Variants in PWP1 observed in about 807,000 individuals in gnomAD.
PWP1 encodes the protein periodic tryptophan protein 1 homolog.
Under a neutral mutation model 69.9 loss-of-function variants are expected in PWP1, and 47 were observed. The ratio of observed to expected loss-of-function variants is 0.67; its 90% CI spans 0.53 to 0.86. The LOEUF is 0.86. Among genes scored for constraint, PWP1 ranks in the 40% least tolerant of loss-of-function variants. The pLI is 0.00. For synonymous variants in PWP1, 222 were observed against 208.2 expected, an observed-to-expected ratio of 1.07 and a Z score of -0.57; for missense variants, 551 against 608.8, an observed-to-expected ratio of 0.91 and a Z score of 1.00.
chr12:107,712,201 A>AT lies in PWP1; in HGVS notation c.1488dup (p.Thr497TyrfsTer11), dbSNP rs747940137. 1.9e-6 allele frequency: 3 copies of AT among 1,613,250 alleles called. No homozygotes were observed. Among genetic ancestry groups the AT allele is most frequent in the Non-Finnish European group, 2.5e-6 (3 of 1,179,180 alleles). ...GGCCCTTTTGGCAGCAGGAGCTCAG[A>AT]TACACCCATGGAGTCTTAATGAAGA... On this transcript the variant is annotated frameshift_variant, in exon 15 of 15. Coordinates refer to ENST00000412830, the MANE Select transcript of PWP1 (RefSeq NM_007062.3). LOFTEE classifies it high-confidence loss of function.
At chr12:107,686,028 CG>C in intron 1 of PWP1, 57 bp downstream of exon 1, 1 of 1,579,054 alleles carries the variant, frequency 6.3e-7, no homozygotes, top group South Asian at 1.1e-5. Flanking sequence ...ACTGGGGGTC[CG>C]CCCAGCTGGG....
rs1249711107 is a variant in PWP1, at chr12:107,688,481, A to C, written c.106A>C (p.Ile36Leu). ...GAGTAAAGAAGAAGTAAAACGCCTC[A>C]TTGCTGAGGCAAAGGAGAAATTGCA... The part of the protein sequence containing the change: ...ELSKEEVKRL[I>L]AEAKEKLQEE... The change falls in exon 2 of 15, where the codon ATT becomes CTT. Residue 36 changes from isoleucine (I) to leucine (L), a missense_variant. Physicochemically the swap from Ile to Leu is conservative, Grantham distance 5. Coordinates refer to ENST00000412830, the MANE Select transcript of PWP1 (RefSeq NM_007062.3). 2 of 1,614,126 alleles carry C rather than the reference A, an allele frequency of 1.2e-6. No homozygotes were observed. The highest frequency in any genetic ancestry group is 1.7e-6 in the Non-Finnish European group (2 of 1,180,006).
intron 5 of PWP1, among the ~76,000 whole-genome samples, 192 bp from the exon 6 acceptor site, chr12:107,696,282 C>T (rs1889586327): frequency 6.6e-6 from 1 of 152,140 alleles, no homozygotes; most frequent in South Asian, 2.1e-4. Context: ...ATCCGCCCAC[C>T]TTGGCCTCCC....
intron 1 of PWP1, among the ~76,000 whole-genome samples, chr12:107,687,387 A>T (rs1248221032): frequency 2.6e-5 from 4 of 152,248 alleles, no homozygotes; most frequent in Non-Finnish European, 2.9e-5. Context: ...GAATCTACAC[A>T]TTGAAAATCT....
intron 5 of PWP1, 50 bp downstream of exon 5, chr12:107,693,146 A>G (rs1240274332): frequency 6.4e-7 from 1 of 1,558,744 alleles, no homozygotes; most frequent in African/African-American, 1.4e-5. Flanking sequence ...TGGTAAAATA[A>G]TAAGTGAAAT....
In PWP1 at chr12:107,685,996, AGG is replaced by A. The variant is rs760897133; in HGVS notation, c.72+28_72+29del. On this transcript the variant is annotated intron_variant, in intron 1 of 14. Coordinates refer to ENST00000412830, the MANE Select transcript of PWP1 (RefSeq NM_007062.3). The stretch of plus-strand genomic sequence containing the variant: ...GGTGAGGCCTGGTCGCTGGGAGACA[AGG>A]GGAGCAGCGTCTTTACGGCACTGGG... 30 of 1,611,924 alleles carry A rather than the reference AGG, an allele frequency of 1.9e-5. No individual in the cohort carries two copies. The South Asian group carries it at 3.3e-4, about 18-fold the overall frequency.
At chr12:107,696,343 T>C (rs1232280277) in intron 5 of PWP1, 131 bp from the exon 6 acceptor site, 1 of 1,338,610 alleles carries the variant, frequency 7.5e-7, no homozygotes, top group East Asian at 2.6e-5. Flanking sequence ...TGGAATCTCT[T>C]TATAATATCA....
chr12:107,696,727 G>C, intron 6 of PWP1, 143 bp downstream of exon 6: 1 of 1,342,988 alleles, frequency 7.4e-7, no homozygotes, highest in African/African-American at 1.5e-5. Flanking sequence ...AAGTTATAGA[G>C]TTCTTAACAC....
At chr12:107,689,483 C>T (rs1035480226) in intron 3 of PWP1, among the ~76,000 whole-genome samples, 1 of 152,286 alleles carries the variant, frequency 6.6e-6, no homozygotes, top group African/African-American at 2.4e-5. Flanking sequence ...ACGTGACTCA[C>T]GCCTGTAATC....
intron 8 of PWP1, among the ~76,000 whole-genome samples, chr12:107,701,902 T>C (rs1277708471): frequency 1.3e-5 from 2 of 152,164 alleles, no homozygotes; most frequent in Non-Finnish European, 2.9e-5. Context: ...TGTCTCAAAC[T>C]CCGGACCTCA....
In PWP1 at chr12:107,703,739, T is replaced by C; in HGVS notation, c.958T>C (p.Tyr320His). 1 of 1,597,784 alleles carries C rather than the reference T, an allele frequency of 6.3e-7. No individual in the cohort carries two copies. Among genetic ancestry groups the C allele is most frequent in the Non-Finnish European group, 8.6e-7 (1 of 1,165,210 alleles). The change falls in exon 10 of 15, where the codon TAT becomes CAT. Residue 320 changes from tyrosine (Y) to histidine (H), a missense_variant. Transcript: ENST00000412830. ...AGCACAGACTCTGATTTCTGGCTCATATGATAAGTAAGAAAGCACAGCAAG... is the reference window on the plus strand; with the variant it reads ...AGCACAGACTCTGATTTCTGGCTCACATGATAAGTAAGAAAGCACAGCAAG... ...FEAQTLISGS[Y>H]DKSVALYDCR...
rs751035596 is a variant in PWP1, at chr12:107,693,006, T to C, written c.412T>C (p.Tyr138His). ...TTTTTTTCCTCTCACTTAGGAACAA[T>C]ATGAACGTGAAGATTTCTTGATTAA... Reference protein sequence around the residue: ...PYVTLKDTEQYEREDFLIKPS... With the variant: ...PYVTLKDTEQHEREDFLIKPS... The change falls in exon 5 of 15, where the codon TAT becomes CAT. Residue 138 changes from tyrosine (Y) to histidine (H), a missense_variant. Tyr to His is a moderately conservative substitution (Grantham distance 83, BLOSUM62 2). Coordinates refer to ENST00000412830, the MANE Select transcript of PWP1 (RefSeq NM_007062.3). The C allele has an allele frequency of 4.3e-6, 7 of 1,614,128 alleles. No homozygotes were observed. The East Asian group carries it at 1.3e-4, about 31-fold the overall frequency.
At chr12:107,694,184 C>G (rs751968290) in intron 5 of PWP1, among the ~76,000 whole-genome samples, 1 of 152,156 alleles carries the variant, frequency 6.6e-6, no homozygotes, top group Non-Finnish European at 1.5e-5. Context: ...CAATGTCTGG[C>G]GCACTCTGCC....
intron 13 of PWP1, 76 bp from the exon 14 acceptor site, chr12:107,710,329 A>G (rs1424950669): frequency 6.4e-7 from 1 of 1,564,666 alleles, no homozygotes; most frequent in Non-Finnish European, 8.6e-7. Context: ...ATAGATTCTT[A>G]GAGACAACAG....
chr12:107,708,951 A>ATAATT lies in PWP1; in HGVS notation c.1105_1109dup (p.Asp371IlefsTer34). On this transcript the variant is annotated frameshift_variant, in exon 12 of 15. Transcript: ENST00000412830. LOFTEE classifies it high-confidence loss of function. ...GCCAGTACAGATGACGGCTTTGTAT[A>ATAATT]TAATTTGGATGCACGTTCAGATAAG... 1 of 1,613,726 alleles carries ATAATT rather than the reference A, an allele frequency of 6.2e-7. No homozygotes were observed. The highest frequency in any genetic ancestry group is 8.5e-7 in the Non-Finnish European group (1 of 1,179,892).
chr12:107,691,953 T>G (rs1247083048), intron 3 of PWP1, among the ~76,000 whole-genome samples: 1 of 152,182 alleles, frequency 6.6e-6, no homozygotes, highest in African/African-American at 2.4e-5. Flanking sequence ...TCTAAAGCCT[T>G]CATTCTTTTC....
At chr12:107,694,174 C>T (rs1166245491) in intron 5 of PWP1, among the ~76,000 whole-genome samples, 2 of 152,158 alleles carry the variant, frequency 1.3e-5, no homozygotes, top group South Asian at 2.1e-4. Flanking sequence ...TAGACTTGCA[C>T]AATGTCTGGC....
Position 107,702,968 on chromosome 12 carries a change from T to C in PWP1, c.840T>C (p.Thr280=), listed in dbSNP as rs1375270531. 4.3e-6 allele frequency: 7 copies of C among 1,611,638 alleles called. No homozygotes were observed. The highest frequency in any genetic ancestry group is 5.9e-6 in the Non-Finnish European group (7 of 1,177,876). ...TAGCAAGTGCATCAGCTGACAACAC[T>C]GTAATTCTGTGGGATATGTCCTTGG... The part of the protein sequence containing the change: ...NVLASASADN[T]VILWDMSLGK... The change falls in exon 9 of 15, where the codon ACT becomes ACC. Residue 280 remains threonine (T), a synonymous_variant. Transcript: ENST00000412830.
chr12:107,695,159 G>A (rs1018749491), intron 5 of PWP1, among the ~76,000 whole-genome samples: 3 of 151,726 alleles, frequency 2.0e-5, no homozygotes, highest in Non-Finnish European at 4.4e-5. Flanking sequence ...CCAGCTACTC[G>A]GGAGGCTGAG....
Sources: gnomAD v4.1 joint callset for allele counts (sites outside exome capture counted in the v4.1 genomes callset) on GRCh38, gnomAD v4.1.1 for gene constraint, MANE v1.5 for transcripts, NCBI Gene and HGNC (gene_info 2026-07-23, HGNC 2026-07-21) for gene names.